CLVS1: variants seen among roughly 807,000 people sequenced by gnomAD.
CLVS1 encodes the protein clavesin 1, also known as clavesin-1.
In CLVS1, 10 loss-of-function variants were observed where a neutral mutation model predicts 33.1. The ratio of observed to expected loss-of-function variants is 0.30; its 90% confidence interval spans 0.19 to 0.51. The LOEUF (loss-of-function observed/expected upper bound fraction) is 0.51, where lower values mean the gene tolerates loss of function less well. Ranked by LOEUF, CLVS1 falls within the 20% of genes least tolerant of loss-of-function variation. The pLI is 0.97. For synonymous variants in CLVS1, 163 were observed against 166.1 expected (o/e 0.98, Z 0.14); for missense variants, 343 against 433.4 (o/e 0.79, Z 1.85).
At chr8:61,236,766 C>T (rs1808571085) in intron 2 of CLVS1, among the ~76,000 whole-genome samples, 1 of 152,124 alleles carries the variant, frequency 6.6e-6, no homozygotes, top group African/African-American at 2.4e-5. Context: ...ATGGAGTTCA[C>T]CGACCTCATT....
At chr8:61,433,980 C>A (rs1020486985) in intron 3 of CLVS1, among the ~76,000 whole-genome samples, 14 of 151,478 alleles carry the variant, frequency 9.2e-5, no homozygotes, top group Non-Finnish European at 2.9e-5. Flanking sequence ...AGAAGAGGGG[C>A]CTTCCAGGCA....
intron 3 of CLVS1, among the ~76,000 whole-genome samples, chr8:61,417,685 T>C (rs1314425998): frequency 3.9e-5 from 6 of 152,216 alleles, no homozygotes; most frequent in African/African-American, 1.4e-4. Flanking sequence ...TTATGGCATC[T>C]TCCAACTAGG....
chr8:61,040,238 T>A, the CLVS1 span, among the ~76,000 whole-genome samples: 1 of 145,850 alleles, frequency 6.9e-6, no homozygotes, highest in Non-Finnish European at 1.5e-5. Flanking sequence ...TTTATTCAGT[T>A]CACCATTGAT....
chr8:61,094,540 G>A (rs1236905105), intron 1 of CLVS1, among the ~76,000 whole-genome samples: 2 of 152,110 alleles, frequency 1.3e-5, no homozygotes, highest in Non-Finnish European at 2.9e-5. Flanking sequence ...ACTGAATTGT[G>A]TCTCCCTCAC....
In CLVS1 at chr8:61,299,963, C is replaced by T; in HGVS notation, c.136C>T (p.Pro46Ser). Residue 46 changes from proline to serine, a missense_variant, in exon 2 of 6, where the codon CCC becomes TCC. Physicochemically the swap from Pro to Ser is moderately conservative, Grantham distance 74. Transcript: ENST00000325897. ...AGCTCGCCTGGAACTGAATGAAAAC[C>T]CCGATGTTTTACATCAGGATATTCA... ...EKARLELNEN[P>S]DVLHQDIQQV... 6.2e-7 allele frequency: 1 copy of T among 1,613,964 alleles called. No individual in the cohort carries two copies. The highest frequency in any genetic ancestry group is 8.5e-7 in the Non-Finnish European group (1 of 1,179,948).
intron 5 of CLVS1, among the ~76,000 whole-genome samples, chr8:61,473,103 G>A (rs987951199): frequency 5.3e-5 from 8 of 152,154 alleles, no homozygotes; most frequent in African/African-American, 1.9e-4. Context: ...TGGAATTCTG[G>A]AAGCACTTTC....
chr8:61,051,393 G>A, the CLVS1 span, among the ~76,000 whole-genome samples: 1 of 152,238 alleles, frequency 6.6e-6, no homozygotes, highest in African/African-American at 2.4e-5. Context: ...TCGGGTGTAG[G>A]GGAGTTGGGA....
chr8:61,480,372 T>C (rs929617311), intron 5 of CLVS1, among the ~76,000 whole-genome samples: 4 of 152,198 alleles, frequency 2.6e-5, no homozygotes, highest in Non-Finnish European at 2.9e-5. Context: ...GGGCGTAGGA[T>C]GCTCCGAGCC....
chr8:61,374,265 T>C (rs914952482), intron 2 of CLVS1, among the ~76,000 whole-genome samples: 9 of 152,192 alleles, frequency 5.9e-5, no homozygotes, highest in African/African-American at 1.7e-4. Flanking sequence ...TTTTCTTTTT[T>C]AACAGAACCT....
chr8:61,047,404 C>A, the CLVS1 span, among the ~76,000 whole-genome samples: 1 of 152,202 alleles, frequency 6.6e-6, no homozygotes, highest in Admixed American at 6.5e-5. Context: ...TGTGGCGATT[C>A]CTCAGGGATC....
At chr8:61,359,928 A>C (rs1350189959) in intron 2 of CLVS1, among the ~76,000 whole-genome samples, 1 of 152,114 alleles carries the variant, frequency 6.6e-6, no homozygotes, top group Non-Finnish European at 1.5e-5. Context: ...CCAGCTGCTG[A>C]ATCCTGTATC....
At chr8:61,074,984 C>G (rs548039712) in intron 1 of CLVS1, among the ~76,000 whole-genome samples, 1 of 152,100 alleles carries the variant, frequency 6.6e-6, no homozygotes, top group East Asian at 1.9e-4. Flanking sequence ...ATCCTCCCCC[C>G]CCTTTTAAAT....
At chr8:61,222,664 TAG>T (rs1037774642) in intron 2 of CLVS1, among the ~76,000 whole-genome samples, 8 of 152,200 alleles carry the variant, frequency 5.3e-5, no homozygotes, top group African/African-American at 1.9e-4. Context: ...TGATTTGGGG[TAG>T]AGAGTTCGGT....
chr8:61,464,156 A>T (rs1817468260), intron 5 of CLVS1, among the ~76,000 whole-genome samples: 1 of 152,162 alleles, frequency 6.6e-6, no homozygotes, highest in Non-Finnish European at 1.5e-5. Flanking sequence ...ACACAAAGTG[A>T]GTCATGCTGT....
intron 3 of CLVS1, among the ~76,000 whole-genome samples, chr8:61,379,143 G>GA (rs1813765539): frequency 1.3e-5 from 2 of 152,200 alleles, no homozygotes; most frequent in Non-Finnish European, 2.9e-5. Context: ...GTGGGAGGTT[G>GA]TGAGGGAGGG....
chr8:61,429,625 G>A (rs1178431414), intron 3 of CLVS1, among the ~76,000 whole-genome samples: 1 of 151,992 alleles, frequency 6.6e-6, no homozygotes, highest in Non-Finnish European at 1.5e-5. Context: ...CATGAACTTT[G>A]GGAGACACAT....
intron 3 of CLVS1, among the ~76,000 whole-genome samples, chr8:61,423,337 C>A (rs1158193847): frequency 6.6e-6 from 1 of 152,132 alleles, no homozygotes; most frequent in East Asian, 1.9e-4. Flanking sequence ...TTAAGCCAGG[C>A]CATGTAGAGA....
the CLVS1 span, among the ~76,000 whole-genome samples, chr8:60,980,296 T>C: frequency 6.6e-6 from 1 of 152,368 alleles, no homozygotes; most frequent in African/African-American, 2.4e-5. Flanking sequence ...TAATGGGCTT[T>C]GGCATGGATG....
chr8:61,071,418 G>A (rs772771858), intron 1 of CLVS1, among the ~76,000 whole-genome samples: 33 of 152,158 alleles, frequency 2.2e-4, no homozygotes, highest in Admixed American at 1.2e-3. Context: ...CTGGCATCAC[G>A]TTAACCTCTT....
Sources: gnomAD v4.1 joint callset for allele counts (sites outside exome capture counted in the v4.1 genomes callset) on GRCh38, gnomAD v4.1.1 for gene constraint, MANE v1.5 for transcripts, NCBI Gene and HGNC (gene_info 2026-07-23, HGNC 2026-07-21) for gene names.